Variants in DLGAP2 observed in about 807,000 individuals in gnomAD.
DLGAP2 encodes the protein DLG associated protein 2.
In DLGAP2, 26 loss-of-function variants were observed where a neutral mutation model predicts 100.3. That is an observed-to-expected ratio of 0.26 (90% CI 0.19 to 0.36). The LOEUF is 0.36. DLGAP2 is among the 10% of genes least tolerant of loss of function. The pLI is 1.00. For missense variants in DLGAP2, 1,858 were observed against 1,453.2 expected (o/e 1.28, Z -4.53); for synonymous variants, 886 against 630.1 (o/e 1.41, Z -6.08).
intron 2 of DLGAP2, among the ~76,000 whole-genome samples, chr8:964,422 C>A (rs565328308): frequency 6.6e-6 from 1 of 152,368 alleles, no homozygotes; most frequent in African/African-American, 2.4e-5. Flanking sequence ...ACAATTCTCC[C>A]ACAGAGCAGA....
chr8:1,180,929 AGT>A (rs1797373919), intron 2 of DLGAP2, among the ~76,000 whole-genome samples: 1 of 141,246 alleles, frequency 7.1e-6, no homozygotes, highest in African/African-American at 2.7e-5. Flanking sequence ...GTGCAAGGGC[AGT>A]ACACTTACTG....
At chr8:1,141,127 TG>T (rs1796515290) in intron 2 of DLGAP2, among the ~76,000 whole-genome samples, 1 of 152,124 alleles carries the variant, frequency 6.6e-6, no homozygotes, top group Non-Finnish European at 1.5e-5. Context: ...CCGTGCTGCC[TG>T]GAAAAGGCAG....
At chr8:1,358,012 A>G (rs1341599116) in intron 3 of DLGAP2, among the ~76,000 whole-genome samples, 3 of 152,120 alleles carry the variant, frequency 2.0e-5, no homozygotes, top group South Asian at 4.1e-4. Flanking sequence ...TCCTTGACAA[A>G]CCAAATGGAG....
intron 1 of DLGAP2, among the ~76,000 whole-genome samples, chr8:868,648 C>T (rs533687393): frequency 6.6e-6 from 1 of 152,348 alleles, no homozygotes; most frequent in East Asian, 1.9e-4. Context: ...CATTCATGTG[C>T]TCTTCCAAGG....
intron 3 of DLGAP2, among the ~76,000 whole-genome samples, chr8:1,359,967 C>G (rs1585297890): frequency 6.6e-6 from 1 of 152,202 alleles, no homozygotes; most frequent in East Asian, 1.9e-4. Flanking sequence ...GACGAGTCCA[C>G]GGGTCCTGCC....
intron 2 of DLGAP2, among the ~76,000 whole-genome samples, chr8:1,236,218 G>C (rs1376390070): frequency 1.3e-5 from 1 of 78,530 alleles, no homozygotes; most frequent in Non-Finnish European, 2.5e-5. Context: ...ACATGGCGCC[G>C]TGTCTAGTTC....
chr8:1,696,917 C>T (rs998708131), intron 13 of DLGAP2, among the ~76,000 whole-genome samples: 1 of 152,222 alleles, frequency 6.6e-6, no homozygotes, highest in Admixed American at 6.5e-5. Flanking sequence ...GCATTTTCAA[C>T]GTGGAACAAT....
At chr8:1,194,297 C>T (rs1250141688) in intron 2 of DLGAP2, among the ~76,000 whole-genome samples, 2 of 152,092 alleles carry the variant, frequency 1.3e-5, no homozygotes, top group Non-Finnish European at 2.9e-5. Flanking sequence ...AAGAGACAAG[C>T]AGACGTTGGC....
chr8:1,679,207 A>C (rs559468918), intron 12 of DLGAP2, among the ~76,000 whole-genome samples: 11 of 130,340 alleles, frequency 8.4e-5, no homozygotes, highest in Non-Finnish European at 1.6e-5. Flanking sequence ...GGGAGTCACC[A>C]CCAAAGGTCT....
intron 3 of DLGAP2, among the ~76,000 whole-genome samples, chr8:1,314,714 C>T (rs1800689359): frequency 6.6e-6 from 1 of 152,208 alleles, no homozygotes; most frequent in Non-Finnish European, 1.5e-5. Context: ...CTATCCGCCT[C>T]CTGCTCCGGA....
intron 3 of DLGAP2, among the ~76,000 whole-genome samples, chr8:1,362,108 G>T (rs1394327777): frequency 0.11 from 7 of 66 alleles, no homozygotes; most frequent in Non-Finnish European, 0.16. Context: ...CGGGGAGTTA[G>T]CGTACTTCAA....
intron 3 of DLGAP2, among the ~76,000 whole-genome samples, chr8:1,386,053 C>G (rs1338881463): frequency 6.6e-6 from 1 of 152,202 alleles, no homozygotes; most frequent in Non-Finnish European, 1.5e-5. Flanking sequence ...GGTTTAATCT[C>G]CACGGGATTT....
intron 5 of DLGAP2, among the ~76,000 whole-genome samples, chr8:1,561,314 C>G (rs1341981044): frequency 6.6e-6 from 1 of 152,104 alleles, no homozygotes; most frequent in Non-Finnish European, 1.5e-5. Flanking sequence ...ACAATACCTC[C>G]AATTCCCTTT....
At chr8:1,130,506 G>A (rs1405814370) in intron 2 of DLGAP2, among the ~76,000 whole-genome samples, 1 of 152,142 alleles carries the variant, frequency 6.6e-6, no homozygotes, top group Non-Finnish European at 1.5e-5. Context: ...AAAAGGGATG[G>A]AGGCTCAATT....
chr8:1,407,594 C>T (rs1365165178), intron 3 of DLGAP2, among the ~76,000 whole-genome samples: 11 of 91,900 alleles, frequency 1.2e-4, no homozygotes, highest in African/African-American at 1.6e-4. Flanking sequence ...GCTTACTGAG[C>T]GCCACCTCCT....
At chr8:1,505,406 A>T (rs1799871732) in intron 4 of DLGAP2, among the ~76,000 whole-genome samples, 1 of 152,216 alleles carries the variant, frequency 6.6e-6, no homozygotes, top group South Asian at 2.1e-4. Context: ...AACTCCCCTC[A>T]GTCTTCAAAA....
At chr8:809,553 G>T (rs1041618631) in intron 1 of DLGAP2, among the ~76,000 whole-genome samples, 1 of 151,974 alleles carries the variant, frequency 6.6e-6, no homozygotes, top group African/African-American at 2.4e-5. Flanking sequence ...GTTTGAAGTG[G>T]TTACTTGATG....
intron 2 of DLGAP2, among the ~76,000 whole-genome samples, chr8:1,069,606 C>A (rs1803366756): frequency 6.6e-6 from 1 of 152,184 alleles, no homozygotes; most frequent in Non-Finnish European, 1.5e-5. Context: ...GCTCCCACCT[C>A]AGATGTCTTG....
intron 2 of DLGAP2, among the ~76,000 whole-genome samples, chr8:1,161,945 G>C (rs187900257): frequency 2.6e-5 from 4 of 152,378 alleles, no homozygotes; most frequent in African/African-American, 9.6e-5. Flanking sequence ...CGTGTGCCAA[G>C]TCAGGGGTGC....
Sources: allele counts gnomAD v4.1 joint callset (sites outside exome capture counted in the v4.1 genomes callset), GRCh38; gene constraint gnomAD v4.1.1; transcripts MANE v1.5; gene names NCBI Gene and HGNC (gene_info 2026-07-23, HGNC 2026-07-21).